Variants in FARS2 observed in about 807,000 individuals in gnomAD.
The protein encoded by FARS2 is phenylalanyl-tRNA synthetase 2, mitochondrial.
FARS2 carries 40 observed loss-of-function variants against 46.4 expected under a neutral mutation model. The ratio of observed to expected loss-of-function variants is 0.86; its 90% CI spans 0.67 to 1.12. FARS2 has a LOEUF of 1.12. Among genes scored for constraint, FARS2 ranks in the 50% most tolerant of loss-of-function variants. The probability of loss-of-function intolerance (pLI) is 0.00; values close to 1 mark genes in which losing one functional copy is unlikely to be tolerated. For missense variants in FARS2, 513 were observed against 567.9 expected (o/e 0.90, Z 0.98); for synonymous variants, 234 against 214.9 (o/e 1.09, Z -0.78).
intron 6 of FARS2, among the ~76,000 whole-genome samples, chr6:5,664,108 T>C (rs956267620): frequency 2.6e-5 from 4 of 152,238 alleles, no homozygotes; most frequent in Non-Finnish European, 5.9e-5. Context: ...GCTTTGGGGT[T>C]TTAAAGAAAA....
chr6:5,430,919 T>C, intron 3 of FARS2, 122 bp from the exon 4 acceptor site: 1 of 974,014 alleles, frequency 1.0e-6, no homozygotes, highest in Middle Eastern at 2.3e-4. Flanking sequence ...AATTAGTTTA[T>C]TTGCTATTTA....
At chr6:5,588,575 C>G (rs558946275) in intron 5 of FARS2, among the ~76,000 whole-genome samples, 1 of 152,298 alleles carries the variant, frequency 6.6e-6, no homozygotes, top group South Asian at 2.1e-4. Flanking sequence ...TTTCGCTTTT[C>G]TTTGACCTCT....
intron 3 of FARS2, among the ~76,000 whole-genome samples, chr6:5,410,773 A>G (rs1432681282): frequency 6.6e-6 from 1 of 152,134 alleles, no homozygotes; most frequent in Non-Finnish European, 1.5e-5. Flanking sequence ...TTGTATTGAG[A>G]GTAAAAATTA....
chr6:5,600,786 A>G (rs1774464461), intron 5 of FARS2, among the ~76,000 whole-genome samples: 1 of 152,222 alleles, frequency 6.6e-6, no homozygotes, highest in Admixed American at 6.5e-5. Context: ...CACCATAGGG[A>G]TAAATGTTGG....
intron 6 of FARS2, among the ~76,000 whole-genome samples, chr6:5,722,804 A>C (rs1260815774): frequency 2.0e-5 from 3 of 152,126 alleles, no homozygotes; most frequent in Admixed American, 6.5e-5. Context: ...CCCTCACCCC[A>C]CTTCCACCTC....
intron 1 of FARS2, among the ~76,000 whole-genome samples, chr6:5,322,978 C>CT: frequency 6.6e-6 from 1 of 152,198 alleles, no homozygotes; most frequent in East Asian, 1.9e-4. Context: ...ATCTTCAGTC[C>CT]TTACCAAAAA....
intron 6 of FARS2, among the ~76,000 whole-genome samples, chr6:5,766,966 C>G (rs1762783047): frequency 6.6e-6 from 1 of 151,438 alleles, no homozygotes; most frequent in South Asian, 2.1e-4. Flanking sequence ...CACATTCCAT[C>G]TAGTATCCAT....
At chr6:5,651,330 T>G (rs909331290) in intron 6 of FARS2, among the ~76,000 whole-genome samples, 1 of 152,210 alleles carries the variant, frequency 6.6e-6, no homozygotes, top group Non-Finnish European at 1.5e-5. Flanking sequence ...GGACTGTCGA[T>G]TGAAAATGTG....
At chr6:5,552,307 G>C (rs1396977217) in intron 5 of FARS2, among the ~76,000 whole-genome samples, 1 of 152,218 alleles carries the variant, frequency 6.6e-6, no homozygotes, top group Non-Finnish European at 1.5e-5. Context: ...TCTCAGAGGT[G>C]GGGCGAGAAA....
chr6:5,541,594 G>A (rs973787984), intron 4 of FARS2, among the ~76,000 whole-genome samples: 7 of 151,994 alleles, frequency 4.6e-5, no homozygotes, highest in African/African-American at 1.5e-4. Flanking sequence ...TGAGATTCAT[G>A]TATTTTGTTC....
At chr6:5,287,590 C>G (rs1445575155) in intron 1 of FARS2, among the ~76,000 whole-genome samples, 1 of 152,212 alleles carries the variant, frequency 6.6e-6, no homozygotes, top group Non-Finnish European at 1.5e-5. Context: ...CATGCTTTCT[C>G]CCACCTCATA....
intron 3 of FARS2, among the ~76,000 whole-genome samples, chr6:5,428,632 T>C (rs9328298): frequency 0.68 from 103,757 of 152,108 alleles, 35,761 homozygotes; most frequent in East Asian, 0.91. Context: ...AGACCTCACA[T>C]ATTTCTGTTT....
In FARS2 at chr6:5,262,823, C is replaced by A. The variant is rs183654382; in HGVS notation, c.-22+1163C>A. ...TTTTTTAAACAGGATAGCAAAACTT[C>A]TATTACTTCCTGGTTGGTCAGGTCA... On this transcript the variant is annotated intron_variant, in intron 1 of 6. Coordinates refer to ENST00000274680, the MANE Select transcript of FARS2 (RefSeq NM_006567.5). 4.0e-3 allele frequency among the ~76,000 whole-genome samples: 611 copies of A among 152,328 alleles called. 2 individuals carry two copies. Among genetic ancestry groups the A allele is most frequent in the Admixed American group, 7.6e-3 (117 of 15,300 alleles).
chr6:5,461,043 CT>C (rs749504920), intron 4 of FARS2, among the ~76,000 whole-genome samples: 428 of 140,960 alleles, frequency 3.0e-3, no homozygotes, highest in Middle Eastern at 3.6e-3. Flanking sequence ...ATTTTAAAGT[CT>C]TTTTTTTTTT....
At chr6:5,613,399 G>C in intron 6 of FARS2, 79 bp downstream of exon 6, 1 of 1,364,388 alleles carries the variant, frequency 7.3e-7, no homozygotes, top group Non-Finnish European at 1.0e-6. Context: ...CATAAAATTT[G>C]CTGAAACCCA....
intron 6 of FARS2, among the ~76,000 whole-genome samples, chr6:5,753,776 CAG>C (rs1762070100): frequency 6.6e-6 from 1 of 152,150 alleles, no homozygotes; most frequent in Non-Finnish European, 1.5e-5. Flanking sequence ...CGTAGCCTTT[CAG>C]AGAGAGACTC....
At chr6:5,607,564 T>C (rs1774915326) in intron 5 of FARS2, among the ~76,000 whole-genome samples, 1 of 152,086 alleles carries the variant, frequency 6.6e-6, no homozygotes, top group African/African-American at 2.4e-5. Flanking sequence ...TCAGTCATCA[T>C]GACCTTGTTC....
intron 6 of FARS2, among the ~76,000 whole-genome samples, chr6:5,732,380 T>G (rs576313571): frequency 6.6e-6 from 1 of 152,116 alleles, no homozygotes; most frequent in African/African-American, 2.4e-5. Flanking sequence ...GGTTAAGGCT[T>G]GGGAAAGCCT....
chr6:5,460,221 T>G (rs543621107), intron 4 of FARS2, among the ~76,000 whole-genome samples: 41 of 152,250 alleles, frequency 2.7e-4, no homozygotes, highest in Non-Finnish European at 5.9e-4. Context: ...GCAAATTGCC[T>G]GAACTGACTC....
Sources: allele counts gnomAD v4.1 joint callset (sites outside exome capture counted in the v4.1 genomes callset), GRCh38; gene constraint gnomAD v4.1.1; transcripts MANE v1.5; gene names NCBI Gene and HGNC (gene_info 2026-07-23, HGNC 2026-07-21).